XKR4: variants seen among roughly 807,000 people sequenced by gnomAD.
XKR4 encodes XK-related protein 4.
XKR4 carries 12 observed loss-of-function variants against 53.9 expected under a neutral mutation model. The ratio of observed to expected loss-of-function variants is 0.22; its 90% confidence interval spans 0.14 to 0.36. The LOEUF is 0.36. Among genes scored for constraint, XKR4 ranks in the 10% least tolerant of loss-of-function variants. XKR4 has a pLI of 1.00. For synonymous variants in XKR4, 354 were observed against 362.4 expected, an observed-to-expected ratio of 0.98 and a Z score of 0.26; for missense variants, 799 against 859.5, an observed-to-expected ratio of 0.93 and a Z score of 0.88.
At chr8:55,268,741 C>G (rs1307970093) in intron 1 of XKR4, among the ~76,000 whole-genome samples, 1 of 152,112 alleles carries the variant, frequency 6.6e-6, no homozygotes, top group Admixed American at 6.6e-5. Context: ...ACTTAATCCC[C>G]GCAAGATCCC....
At chr8:55,111,517 A>G (rs1477570047) in intron 1 of XKR4, among the ~76,000 whole-genome samples, 1 of 152,224 alleles carries the variant, frequency 6.6e-6, no homozygotes, top group Non-Finnish European at 1.5e-5. Context: ...AGGAACTGGC[A>G]TGGTTCATAC....
intron 2 of XKR4, among the ~76,000 whole-genome samples, chr8:55,517,041 C>T (rs1585615730): frequency 6.6e-6 from 1 of 152,008 alleles, no homozygotes; most frequent in Non-Finnish European, 1.5e-5. Context: ...GGTCAAATAC[C>T]GCATGTTCTC....
chr8:55,135,623 A>C (rs1257964039), intron 1 of XKR4: 1 of 456,240 alleles, frequency 2.2e-6, no homozygotes, highest in South Asian at 1.5e-5. Context: ...AGGAAAAGCC[A>C]AGGACAGATG....
At chr8:55,504,904 T>C (rs1385535789) in intron 2 of XKR4, among the ~76,000 whole-genome samples, 1 of 152,134 alleles carries the variant, frequency 6.6e-6, no homozygotes, top group Non-Finnish European at 1.5e-5. Context: ...CGTAGTGATG[T>C]CCCAACTTTT....
intron 1 of XKR4, among the ~76,000 whole-genome samples, chr8:55,165,502 G>A (rs548405577): frequency 1.1e-4 from 17 of 151,936 alleles, no homozygotes; most frequent in South Asian, 1.0e-3. Flanking sequence ...AAAAAGGGCC[G>A]CAAACTGAAA....
chr8:55,116,014 A>AT (rs1816301308), intron 1 of XKR4, among the ~76,000 whole-genome samples: 1 of 152,148 alleles, frequency 6.6e-6, no homozygotes, highest in Non-Finnish European at 1.5e-5. Flanking sequence ...GTAACCAGAC[A>AT]CCAAGAATAG....
chr8:55,467,780 GT>G (rs1288935614), intron 2 of XKR4, among the ~76,000 whole-genome samples: 1 of 152,094 alleles, frequency 6.6e-6, no homozygotes, highest in East Asian at 1.9e-4. Context: ...CCTTTGGCAA[GT>G]TTTGCTTTTC....
At chr8:55,179,940 T>G (rs2129359568) in intron 1 of XKR4, among the ~76,000 whole-genome samples, 1 of 152,274 alleles carries the variant, frequency 6.6e-6, no homozygotes, top group South Asian at 2.1e-4. Context: ...TATAGAAGAG[T>G]TTCTTCCTCT....
chr8:55,408,167 AAG>A (rs1251381869), intron 2 of XKR4, among the ~76,000 whole-genome samples: 1 of 152,218 alleles, frequency 6.6e-6, no homozygotes, highest in Non-Finnish European at 1.5e-5. Context: ...GAGGTTACAG[AAG>A]AGCCTTCAGG....
At chr8:55,518,537 A>T (rs1342081344) in intron 2 of XKR4, among the ~76,000 whole-genome samples, 1 of 152,198 alleles carries the variant, frequency 6.6e-6, no homozygotes, top group Non-Finnish European at 1.5e-5. Context: ...ATGAAGCATA[A>T]TTATAAAGTG....
chr8:55,404,947 G>T (rs549699216), intron 2 of XKR4, among the ~76,000 whole-genome samples: 1 of 152,172 alleles, frequency 6.6e-6, no homozygotes, highest in Non-Finnish European at 1.5e-5. Flanking sequence ...TTGATGCTGC[G>T]TTGCGCTGCG....
intron 1 of XKR4, chr8:55,135,221 A>G (rs1053635993): frequency 1.3e-5 from 2 of 159,310 alleles, no homozygotes; most frequent in African/African-American, 4.8e-5. Context: ...ATATATACAA[A>G]TATATTCTAA....
chr8:55,461,318 A>G (rs1301123024), intron 2 of XKR4, among the ~76,000 whole-genome samples: 2 of 152,208 alleles, frequency 1.3e-5, no homozygotes, highest in African/African-American at 2.4e-5. Flanking sequence ...CAATTCACCA[A>G]TATCTACTGT....
chr8:55,416,272 G>C (rs1265473416), intron 2 of XKR4, among the ~76,000 whole-genome samples: 1 of 152,170 alleles, frequency 6.6e-6, no homozygotes, highest in African/African-American at 2.4e-5. Flanking sequence ...CTTGGGAAAC[G>C]TAAGACTGGT....
At chr8:55,298,219 C>T (rs888511288) in intron 1 of XKR4, among the ~76,000 whole-genome samples, 2 of 152,098 alleles carry the variant, frequency 1.3e-5, no homozygotes, top group Admixed American at 1.3e-4. Flanking sequence ...TCCTTTTTAA[C>T]TTTCTTTTGT....
rs770992297 is a variant in XKR4 at position 55,523,936 on chromosome 8, T to C, written c.1662T>C (p.Ser554=). 7 of 1,614,128 alleles carry C rather than the reference T, an allele frequency of 4.3e-6. No individual in the cohort carries two copies. In the South Asian group the frequency reaches 6.6e-5, roughly 15 times the overall value. The stretch of plus-strand genomic sequence containing the variant: ...TACGGTCCATCTCCAACAACCGCAG[T>C]GTTGTCAGCGACCGCGATCAGAAAT... The part of the protein sequence containing the change: ...STLRSISNNR[S]VVSDRDQKFA... The change falls in exon 3 of 3, where the codon AGT becomes AGC. Residue 554 remains serine (S), a synonymous_variant. Coordinates refer to ENST00000327381, the MANE Select transcript of XKR4 (RefSeq NM_052898.2).
intron 2 of XKR4, among the ~76,000 whole-genome samples, chr8:55,395,277 C>T (rs2129389178): frequency 6.6e-6 from 1 of 152,100 alleles, no homozygotes; most frequent in Non-Finnish European, 1.5e-5. Flanking sequence ...GGCACATGCT[C>T]TGGGAGCTCA....
chr8:55,132,551 G>A (rs1816571197), intron 1 of XKR4, among the ~76,000 whole-genome samples: 2 of 152,204 alleles, frequency 1.3e-5, no homozygotes, highest in South Asian at 4.1e-4. Context: ...ATATCTTACT[G>A]TACTGTACCA....
chr8:55,344,663 T>C (rs1316221678), intron 1 of XKR4, among the ~76,000 whole-genome samples: 4 of 152,214 alleles, frequency 2.6e-5, no homozygotes, highest in African/African-American at 9.6e-5. Context: ...GAAATGCTGC[T>C]TTTGTTAGGT....
Sources: gnomAD v4.1 joint callset for allele counts (sites outside exome capture counted in the v4.1 genomes callset) on GRCh38, gnomAD v4.1.1 for gene constraint, MANE v1.5 for transcripts, NCBI Gene and HGNC (gene_info 2026-07-23, HGNC 2026-07-21) for gene names.